Variants in MYO7A observed in about 807,000 individuals in gnomAD.
MYO7A encodes the protein myosin VIIA.
A neutral mutation model predicts 263.8 loss-of-function variants in MYO7A; 210 were observed. The ratio of observed to expected loss-of-function variants is 0.80; its 90% CI spans 0.71 to 0.89. The LOEUF (loss-of-function observed/expected upper bound fraction) is 0.89, where lower values mean the gene tolerates loss of function less well. MYO7A is among the 40% of genes least tolerant of loss of function. The pLI, the probability that MYO7A is intolerant of heterozygous loss-of-function variation, is 0.00. For missense variants in MYO7A, 2,820 were observed against 2,968.3 expected, an observed-to-expected ratio of 0.95 and a Z score of 1.16; for synonymous variants, 1,239 against 1,197.3, an observed-to-expected ratio of 1.03 and a Z score of -0.72.
intron 12 of MYO7A, among the ~76,000 whole-genome samples, chr11:77,161,418 C>A (rs969894800): frequency 2.0e-5 from 3 of 152,194 alleles, no homozygotes; most frequent in Non-Finnish European, 2.9e-5. Context: ...TGCTGCAAGG[C>A]GCCTCAAAGC....
chr11:77,131,996 C>T (rs1347526774), intron 2 of MYO7A, among the ~76,000 whole-genome samples: 1 of 152,128 alleles, frequency 6.6e-6, no homozygotes, highest in East Asian at 1.9e-4. Flanking sequence ...AGATTAAAAG[C>T]CTCTTTTCCC....
chr11:77,201,208 C>T (rs1469701312), intron 35 of MYO7A, among the ~76,000 whole-genome samples: 3 of 152,156 alleles, frequency 2.0e-5, no homozygotes, highest in East Asian at 1.9e-4. Flanking sequence ...CTGGGAGGCC[C>T]GCTCACAACA....
At chr11:77,190,170 G>C (rs1441705752) in intron 29 of MYO7A, 31 bp downstream of exon 29, 20 of 1,528,566 alleles carry the variant, frequency 1.3e-5, no homozygotes, top group Non-Finnish European at 1.8e-5. Context: ...GTGCTCGTGT[G>C]CATGTGTGCG....
chr11:77,211,346 G>T lies in MYO7A; in HGVS notation c.6237+9G>T, dbSNP rs113335302. On this transcript the variant is annotated intron_variant, in intron 45 of 48. Transcript: ENST00000409709. ...CTGATGACTGGAAGCGGGTGAGCAT[G>T]GGGTGGGCATCGGGAATGGTGGGGC... 2.5e-6 allele frequency: 4 copies of T among 1,570,878 alleles called. No homozygotes were observed. The highest frequency in any genetic ancestry group is 4.7e-5 in the East Asian group (2 of 42,496).
intron 44 of MYO7A, 28 bp downstream of exon 44, chr11:77,208,831 T>C: frequency 1.4e-6 from 2 of 1,479,582 alleles, no homozygotes; most frequent in Non-Finnish European, 1.8e-6. Context: ...CTAGTTGCCT[T>C]CGTGCACAGC....
At chr11:77,182,642 G>A (rs762176641) in intron 25 of MYO7A, 42 bp downstream of exon 25, 41 of 1,603,094 alleles carry the variant, frequency 2.6e-5, no homozygotes, top group East Asian at 8.9e-5. Context: ...CTCCCAGGCC[G>A]ACAAGGAGGG....
At chr11:77,141,507 G>A (rs1020902735) in intron 2 of MYO7A, among the ~76,000 whole-genome samples, 3 of 138,272 alleles carry the variant, frequency 2.2e-5, no homozygotes, top group Non-Finnish European at 4.6e-5. Flanking sequence ...CCAACTCCTA[G>A]GGAGTTGGAG....
intron 30 of MYO7A, 132 bp from the exon 31 acceptor site, chr11:77,191,919 T>C: frequency 1.4e-6 from 1 of 725,560 alleles, no homozygotes; most frequent in Non-Finnish European, 2.3e-6. Context: ...GTCTGCCTCC[T>C]GGGGGCCTTG....
At chr11:77,197,097 C>T (rs1472421966) in intron 32 of MYO7A, among the ~76,000 whole-genome samples, 1 of 152,190 alleles carries the variant, frequency 6.6e-6, no homozygotes, top group Non-Finnish European at 1.5e-5. Flanking sequence ...CCTCTCTTCC[C>T]CGTCTGCCCT....
At chr11:77,185,089 C>A in intron 27 of MYO7A, 1 of 382,184 alleles carries the variant, frequency 2.6e-6, no homozygotes, top group Non-Finnish European at 5.0e-6. Flanking sequence ...ATGTAGACAT[C>A]TTGATTAGAA....
chr11:77,201,030 G>A (rs760211883), intron 35 of MYO7A, among the ~76,000 whole-genome samples: 50 of 152,228 alleles, frequency 3.3e-4, no homozygotes, highest in Non-Finnish European at 6.5e-4. Context: ...GCCCCATGCC[G>A]ACTGGGGTCC....
At chr11:77,205,989 A>T in intron 40 of MYO7A, 108 bp from the exon 41 acceptor site, 1 of 843,460 alleles carries the variant, frequency 1.2e-6, no homozygotes, top group Non-Finnish European at 1.9e-6. Context: ...CATCATAGGA[A>T]GTGGCAGGCG....
chr11:77,177,647 C>G lies in MYO7A; in HGVS notation c.2282+4C>G. 1.2e-6 allele frequency: 2 copies of G among 1,603,494 alleles called. No individual in the cohort carries two copies. Among genetic ancestry groups the G allele is most frequent in the Non-Finnish European group, 1.7e-6 (2 of 1,175,028 alleles). On this transcript the variant is annotated splice_donor_region_variant and intron_variant, in intron 19 of 48. Coordinates refer to ENST00000409709, the MANE Select transcript of MYO7A (RefSeq NM_000260.4). ...TCATCCGGGGATTCAAAGACAGGTGCGTGTTCCCACCAGCTCCTCCCCTCC... is the reference window on the plus strand; with the variant it reads ...TCATCCGGGGATTCAAAGACAGGTGGGTGTTCCCACCAGCTCCTCCCCTCC...
rs114908465 is a variant in MYO7A at position 77,210,818 on chromosome 11, G to A, written c.6052-334G>A. The A allele has an allele frequency of 6.1e-3, 1,330 of 217,076 alleles. 29 individuals carry two copies. Among genetic ancestry groups the A allele is most frequent in the African/African-American group, 0.028 (1,251 of 44,094 alleles). The allele number at this position is 217,076 out of a possible 1,614,324, so 13.4% of individuals were successfully genotyped here. On this transcript the variant is annotated intron_variant, in intron 44 of 48. Coordinates refer to ENST00000409709, the MANE Select transcript of MYO7A (RefSeq NM_000260.4). Reference sequence around the variant, plus strand: ...GATGGGCCCAGGAGGTGAGGGGTATGGAACAGTCTCAGGGTTGCCAGCTGG... The same window carrying A: ...GATGGGCCCAGGAGGTGAGGGGTATAGAACAGTCTCAGGGTTGCCAGCTGG...
chr11:77,210,944 A>G, intron 44 of MYO7A: 1 of 543,126 alleles, frequency 1.8e-6, no homozygotes, highest in Non-Finnish European at 3.3e-6. Context: ...CCAACTGCCA[A>G]CTGCTGAGTC....
At chr11:77,160,424 C>T (rs1368413202) in intron 11 of MYO7A, 142 bp downstream of exon 11, 11 of 1,262,080 alleles carry the variant, frequency 8.7e-6, no homozygotes, top group African/African-American at 3.0e-5. Flanking sequence ...AGTCGGCCTT[C>T]CTTGAGTCCC....
chr11:77,205,841 G>A (rs943325308), intron 40 of MYO7A, among the ~76,000 whole-genome samples: 1 of 152,116 alleles, frequency 6.6e-6, no homozygotes. Context: ...CCAGGCTATC[G>A]GGTGGGCACA....
intron 16 of MYO7A, among the ~76,000 whole-genome samples, chr11:77,174,282 C>G (rs1445777997): frequency 1.3e-5 from 2 of 152,190 alleles, no homozygotes; most frequent in African/African-American, 4.8e-5. Context: ...TCTACAATAC[C>G]TGCAACGTGA....
Position 77,197,605 on chromosome 11 carries a change from C to T in MYO7A, c.4441+7C>T, listed in dbSNP as rs372493678. ...GAAGCCTACAAATTCTCAGGTACCC[C>T]GCAGCCTGCAATGCTCCCAGTCCCT... On this transcript the variant is annotated splice_region_variant and intron_variant, in intron 33 of 48. Coordinates refer to ENST00000409709, the MANE Select transcript of MYO7A (RefSeq NM_000260.4). 51 of 1,511,630 alleles carry T rather than the reference C, an allele frequency of 3.4e-5. No individual in the cohort carries two copies. In the African/African-American group the frequency reaches 5.4e-4, roughly 16 times the overall value. The allele number at this position is 1,511,630 out of a possible 1,614,324, so 93.6% of individuals were successfully genotyped here.
Sources: gnomAD v4.1 joint callset for allele counts (sites outside exome capture counted in the v4.1 genomes callset) on GRCh38, gnomAD v4.1.1 for gene constraint, MANE v1.5 for transcripts, NCBI Gene and HGNC (gene_info 2026-07-23, HGNC 2026-07-21) for gene names.